The following MYO18A variants were observed in gnomAD, a reference collection of about 807,000 sequenced individuals.
The protein encoded by MYO18A is unconventional myosin-XVIIIa.
A neutral mutation model predicts 235.8 loss-of-function variants in MYO18A; 78 were observed. The observed-to-expected ratio is 0.33, with a 90% confidence interval of 0.28 to 0.40. MYO18A has a LOEUF of 0.40. Among genes scored for constraint, MYO18A ranks in the 10% least tolerant of loss-of-function variants. The pLI is 1.00. For synonymous variants in MYO18A, 977 were observed against 1,077.8 expected, an observed-to-expected ratio of 0.91 and a Z score of 1.83; for missense variants, 2,215 against 2,699.3, an observed-to-expected ratio of 0.82 and a Z score of 3.98.
chr17:29,124,313 TTC>T (rs767423383), intron 2 of MYO18A, among the ~76,000 whole-genome samples: 9 of 152,304 alleles, frequency 5.9e-5, no homozygotes, highest in Non-Finnish European at 1.2e-4. Flanking sequence ...CTTTCCAGCT[TTC>T]TCTCTCCAGA....
rs142430455 is a variant in MYO18A at position 29,154,121 on chromosome 17, T to TGTGTGTGTGTGCGC, written c.999+11820_999+11821insGCGCACACACACAC. 3.1e-3 allele frequency among the ~76,000 whole-genome samples: 469 copies of TGTGTGTGTGTGCGC among 149,102 alleles called. 3 individuals carry two copies. Among genetic ancestry groups the TGTGTGTGTGTGCGC allele is most frequent in the African/African-American group, 0.011 (448 of 39,518 alleles). Reference sequence around the variant, plus strand: ...TGCAGAGTGTGTGTGTGTGTGTGTGTGCGCGCGCGTGCGTGTGTATGTGGC... The same window carrying TGTGTGTGTGTGCGC: ...TGCAGAGTGTGTGTGTGTGTGTGTGTGTGTGTGTGTGCGCGCGCGCGCGTGCGTGTGTATGTGGC... On this transcript the variant is annotated intron_variant, in intron 2 of 41. Coordinates refer to ENST00000527372, the MANE Select transcript of MYO18A (RefSeq NM_078471.4).
At chr17:29,132,201 G>C (rs1388461334) in intron 2 of MYO18A, among the ~76,000 whole-genome samples, 1 of 152,222 alleles carries the variant, frequency 6.6e-6, no homozygotes, top group Non-Finnish European at 1.5e-5. Flanking sequence ...GCCTGAGTCA[G>C]AGGGGAGGAG....
intron 26 of MYO18A, 53 bp from the exon 27 acceptor site, chr17:29,097,403 G>T: frequency 6.3e-7 from 1 of 1,593,404 alleles, no homozygotes; most frequent in Non-Finnish European, 8.5e-7. Context: ...GTCCCCAGAA[G>T]GGGCAGAGGG....
In MYO18A at chr17:29,109,813, G is replaced by T; in HGVS notation, c.3331+45C>A. On this transcript the variant is annotated intron_variant, in intron 19 of 41. Transcript: ENST00000527372. This position sits in a 1 kb window ranked among gnomAD's most constrained non-coding sequence, Gnocchi z 4.1. ...TGGGAGGTGGGGCCGGGCAGGGCCAGCTCTGGAAAAGAGAGCCCAGAGTGG... is the reference window on the plus strand; with the variant it reads ...TGGGAGGTGGGGCCGGGCAGGGCCATCTCTGGAAAAGAGAGCCCAGAGTGG... The T allele has an allele frequency of 6.5e-7, 1 of 1,538,524 alleles. No individual in the cohort carries two copies. The highest frequency in any genetic ancestry group is 2.5e-5 in the East Asian group (1 of 40,632).
chr17:29,162,984 C>T (rs1224738474), intron 2 of MYO18A, among the ~76,000 whole-genome samples: 1 of 152,196 alleles, frequency 6.6e-6, no homozygotes, highest in African/African-American at 2.4e-5. Context: ...GGAGAGGAGC[C>T]GGGGGCCTGG....
Position 29,119,454 on chromosome 17 carries a change from G to A in MYO18A, c.1729-19C>T, listed in dbSNP as rs751091107. On this transcript the variant is annotated intron_variant, in intron 7 of 41. Transcript: ENST00000527372. Reference sequence around the variant, plus strand: ...GCATTGTCTGTGACACAGCATGGACGTGTGGGTAAGGAGGGTAGTGCCAGA... The same window carrying A: ...GCATTGTCTGTGACACAGCATGGACATGTGGGTAAGGAGGGTAGTGCCAGA... 3.5e-5 allele frequency: 55 copies of A among 1,591,332 alleles called. No homozygotes were observed. Among genetic ancestry groups the A allele is most frequent in the East Asian group, 1.4e-4 (6 of 44,232 alleles).
chr17:29,119,201 A>G, intron 8 of MYO18A, 134 bp downstream of exon 8: 1 of 634,112 alleles, frequency 1.6e-6, no homozygotes, highest in Non-Finnish European at 2.8e-6. Flanking sequence ...AGCCTAGCAC[A>G]TAGCAGACAT....
rs761070943 is a variant in MYO18A at position 29,109,910 on chromosome 17, G to A, written c.3279C>T (p.Arg1093=). The change falls in exon 19 of 42, where the codon CGC becomes CGT. Residue 1093 remains arginine (R), a synonymous_variant. Transcript: ENST00000527372. This position sits in a 1 kb window ranked among gnomAD's most constrained non-coding sequence, Gnocchi z 4.1. Reference sequence around the variant, plus strand: ...GCAGGCGGGAGCCGCGGAGCTGGGTGCGGAGCAGGGGCACGTCGAGCTGCA... The same window carrying A: ...GCAGGCGGGAGCCGCGGAGCTGGGTACGGAGCAGGGGCACGTCGAGCTGCA... ...GLLQLDVPLL[R]TQLRGSRLLD... 1.9e-6 allele frequency: 3 copies of A among 1,586,862 alleles called. No individual in the cohort carries two copies. Among genetic ancestry groups the A allele is most frequent in the African/African-American group, 2.7e-5 (2 of 74,486 alleles).
rs1375866728 is a variant in MYO18A, at chr17:29,158,173, T to TAACACCCGGCG, written c.999+7758_999+7768dup. ...TATGCACCATACTGAGCGCCACAGATAACACCCGGCGAACACCCGGCAAAC... is the reference window on the plus strand; with the variant it reads ...TATGCACCATACTGAGCGCCACAGATAACACCCGGCGAACACCCGGCGAACACCCGGCAAAC... On this transcript the variant is annotated intron_variant, in intron 2 of 41. Coordinates refer to ENST00000527372, the MANE Select transcript of MYO18A (RefSeq NM_078471.4). This position sits in a 1 kb window ranked among gnomAD's most constrained non-coding sequence, Gnocchi z 4.3. Among the ~76,000 whole-genome samples the TAACACCCGGCG allele has an allele frequency of 3.9e-5, 6 of 152,088 alleles. No individual in the cohort carries two copies. Among genetic ancestry groups the TAACACCCGGCG allele is most frequent in the Non-Finnish European group, 7.4e-5 (5 of 68,026 alleles).
rs551600930 is a variant in MYO18A at position 29,096,811 on chromosome 17, G to C, written c.4335C>G (p.His1445Gln). The change falls in exon 28 of 42, where the codon CAC (histidine) becomes CAG (glutamine). Residue 1445 changes from histidine to glutamine, a missense_variant. His to Gln is a conservative substitution (Grantham distance 24). Coordinates refer to ENST00000527372, the MANE Select transcript of MYO18A (RefSeq NM_078471.4). ...LTAELQDTKLHLEGQQVRNHE... is the reference protein window; with the variant it reads ...LTAELQDTKLQLEGQQVRNHE... ...GGTTGCGGACCTGCTGGCCCTCCAG[G>C]TGCAGCTTGGTGTCTTGCAGCTCAG... is the stretch of plus-strand genomic sequence containing the variant. 6.2e-7 allele frequency: 1 copy of C among 1,604,008 alleles called. No homozygotes were observed. The highest frequency in any genetic ancestry group is 8.5e-7 in the Non-Finnish European group (1 of 1,175,684).
rs569967900 is a variant in MYO18A at position 29,125,808 on chromosome 17, G to A, written c.1000-3555C>T. 45 of 638,706 alleles carry A rather than the reference G, an allele frequency of 7.0e-5. No homozygotes were observed. Among genetic ancestry groups the A allele is most frequent in the African/African-American group, 7.8e-5 (4 of 51,132 alleles). 39.6% of individuals were successfully genotyped at this position (638,706 alleles called of 1,614,324 possible). A position where few individuals can be genotyped will look rare whatever the true frequency, so the allele number is the denominator to read the frequency against. On this transcript the variant is annotated intron_variant, in intron 2 of 41. Transcript: ENST00000527372. The surrounding 1 kb of genome is among the most constrained non-coding windows in gnomAD (Gnocchi z 5.1). ...ATGGAGCCATCTTCATGGTCAGCGC[G>A]CCTACAGACACACACAGGGTCCTGC...
rs1430861260 is a variant in MYO18A at position 29,157,736 on chromosome 17, C to T, written c.999+8206G>A. Among the ~76,000 whole-genome samples, 4 of 152,212 alleles carry T rather than the reference C, an allele frequency of 2.6e-5. No homozygotes were observed. In the East Asian group the frequency reaches 7.7e-4, roughly 29 times the overall value. On this transcript the variant is annotated intron_variant, in intron 2 of 41. Transcript: ENST00000527372. ...AATGTTAGACGTGATCCTCACCTTGCCAGAACTTTTCATGCCCTTCCCCCA... is the reference window on the plus strand; with the variant it reads ...AATGTTAGACGTGATCCTCACCTTGTCAGAACTTTTCATGCCCTTCCCCCA...
rs368622939 is a variant in MYO18A, at chr17:29,115,061, A to G, written c.2357T>C (p.Met786Thr). 1.9e-6 allele frequency: 3 copies of G among 1,613,716 alleles called. No homozygotes were observed. The highest frequency in any genetic ancestry group is 2.7e-5 in the African/African-American group (2 of 74,934). Residue 786 changes from methionine to threonine, a missense_variant, in exon 14 of 42, where the codon ATG (methionine) becomes ACG (threonine). By Grantham distance (81) the Met-to-Thr change is moderately conservative. Coordinates refer to ENST00000527372, the MANE Select transcript of MYO18A (RefSeq NM_078471.4). Reference sequence around the variant, plus strand: ...CTGGAAGCCCGGGGTGTCGACAATCATCATGGAGCAGAGTGAGTGCTGGCT... The same window carrying G: ...CTGGAAGCCCGGGGTGTCGACAATCGTCATGGAGCAGAGTGAGTGCTGGCT... The part of the protein sequence containing the change: ...KSSQHSLCSM[M>T]IVDTPGFQNP...
rs372584426 is a variant in MYO18A at position 29,086,449 on chromosome 17, G to C, written c.5841C>G (p.Asp1947Glu). The C allele has an allele frequency of 3.1e-6, 5 of 1,602,312 alleles. No individual in the cohort carries two copies. Among genetic ancestry groups the C allele is most frequent in the Admixed American group, 3.4e-5 (2 of 58,306 alleles). ...AGGCCACTTCTCACCTGTTGATGAGGTCCTCATTCTCATCACTCTCCATCT... is the reference window on the plus strand; with the variant it reads ...AGGCCACTTCTCACCTGTTGATGAGCTCCTCATTCTCATCACTCTCCATCT... Reference protein sequence around the residue: ...EDEMESDENEDLINSLQDMVT... With the variant: ...EDEMESDENEELINSLQDMVT... Residue 1947 changes from aspartate to glutamate, a missense_variant, in exon 39 of 42, where the codon GAC becomes GAG. Coordinates refer to ENST00000527372, the MANE Select transcript of MYO18A (RefSeq NM_078471.4).
rs563438205 is a variant in MYO18A at position 29,090,745 on chromosome 17, C to G, written c.5304+65G>C. ...CCAAAACAAGCGGTTGTGCGGGGGA[C>G]CCATGAGGAGGACCACAAGGATGGT... On this transcript the variant is annotated intron_variant, in intron 35 of 41. Transcript: ENST00000527372. 1.3e-4 allele frequency: 195 copies of G among 1,541,920 alleles called. 1 individual carries two copies. Among genetic ancestry groups the G allele is most frequent in the Non-Finnish European group, 1.7e-4 (185 of 1,115,832 alleles).
chr17:29,120,814 A>G lies in MYO18A; in HGVS notation c.1586-56T>C. On this transcript the variant is annotated intron_variant, in intron 6 of 41. Transcript: ENST00000527372. The surrounding 1 kb of genome is among the most constrained non-coding windows in gnomAD (Gnocchi z 4.2). ...GAAAGCCAGGGGCAGCTTATCCCCC[A>G]GCTAGGAGCTACCCCAGAGGTATGA... is the stretch of plus-strand genomic sequence containing the variant. 1.3e-6 allele frequency: 2 copies of G among 1,586,876 alleles called. No homozygotes were observed. The highest frequency in any genetic ancestry group is 1.7e-6 in the Non-Finnish European group (2 of 1,165,064).
intron 15 of MYO18A, 50 bp downstream of exon 15, chr17:29,113,961 G>C (rs2066994074): frequency 1.3e-5 from 19 of 1,429,354 alleles, no homozygotes; most frequent in Non-Finnish European, 1.8e-5. Context: ...CGGGGAGAGG[G>C]GTGGGGAACG....
At chr17:29,113,935 G>C (rs1276913435) in intron 15 of MYO18A, 76 bp downstream of exon 15, 1 of 1,220,082 alleles carries the variant, frequency 8.2e-7, no homozygotes, top group Non-Finnish European at 1.2e-6. Context: ...CAGCTCAGAT[G>C]GGGAGGGCTC....
At chr17:29,128,449 G>T (rs903327502) in intron 2 of MYO18A, 9 of 1,289,470 alleles carry the variant, frequency 7.0e-6, no homozygotes, top group Non-Finnish European at 9.1e-6. Context: ...TGGGTGCAGG[G>T]CTCCTGGCTC....
Sources: gnomAD v4.1 joint callset for allele counts (sites outside exome capture counted in the v4.1 genomes callset) on GRCh38, gnomAD v4.1.1 for gene constraint, Gnocchi (gnomAD v3.1) non-coding constraint, MANE v1.5 for transcripts, NCBI Gene and HGNC (gene_info 2026-07-23, HGNC 2026-07-21) for gene names.